Variants in AGPS observed in about 807,000 individuals in gnomAD.
The protein encoded by AGPS is alkylglycerone phosphate synthase, also known as alkyldihydroxyacetonephosphate synthase, peroxisomal.
A neutral mutation model predicts 90.7 loss-of-function variants in AGPS; 26 were observed. The ratio of observed to expected loss-of-function variants is 0.29; its 90% CI spans 0.21 to 0.40. The LOEUF is 0.40. AGPS is among the 10% of genes least tolerant of loss of function. The pLI is 1.00. For synonymous variants in AGPS, 294 were observed against 285.3 expected, an observed-to-expected ratio of 1.03 and a Z score of -0.31; for missense variants, 540 against 816.1, an observed-to-expected ratio of 0.66 and a Z score of 4.12.
intron 10 of AGPS, among the ~76,000 whole-genome samples, chr2:177,480,581 C>G (rs7607450): frequency 5.0e-4 from 76 of 151,794 alleles, no homozygotes; most frequent in African/African-American, 1.7e-3. Context: ...CCTGTTGTGG[C>G]GGGGGGAAGT....
chr2:177,484,015 T>G (rs1688023338), intron 11 of AGPS, among the ~76,000 whole-genome samples: 2 of 151,406 alleles, frequency 1.3e-5, no homozygotes, highest in South Asian at 2.1e-4. Context: ...AGGGTGTTTT[T>G]TTTTTTTTTT....
At chr2:177,527,033 C>T (rs1317953441) in intron 19 of AGPS, among the ~76,000 whole-genome samples, 1 of 152,166 alleles carries the variant, frequency 6.6e-6, no homozygotes, top group Admixed American at 6.5e-5. Flanking sequence ...CCTCAGTATC[C>T]TTGTCCTCTT....
chr2:177,444,627 GTATTTTGTATT>G (rs1210287159), intron 7 of AGPS, among the ~76,000 whole-genome samples: 4 of 3,654 alleles, frequency 1.1e-3, no homozygotes, highest in African/African-American at 2.4e-3. Flanking sequence ...TTTTTGTATT[GTATTTTGTATT>G]GTCTGTTGTG....
chr2:177,459,830 A>T (rs1348580961), intron 8 of AGPS, among the ~76,000 whole-genome samples: 2 of 152,232 alleles, frequency 1.3e-5, no homozygotes, highest in African/African-American at 2.4e-5. Flanking sequence ...TACCCAAAGG[A>T]TTATAAATCA....
chr2:177,459,241 C>T (rs1200297246), intron 8 of AGPS, among the ~76,000 whole-genome samples: 1 of 152,150 alleles, frequency 6.6e-6, no homozygotes, highest in East Asian at 1.9e-4. Flanking sequence ...TGGACAATGC[C>T]ATTTAGGACA....
intron 10 of AGPS, among the ~76,000 whole-genome samples, chr2:177,474,607 T>C (rs1236597810): frequency 6.6e-6 from 1 of 152,204 alleles, no homozygotes; most frequent in Non-Finnish European, 1.5e-5. Context: ...TGTAAACACT[T>C]GTGGAGCGGG....
At chr2:177,406,391 A>G (rs1270760313) in intron 1 of AGPS, among the ~76,000 whole-genome samples, 2 of 152,252 alleles carry the variant, frequency 1.3e-5, no homozygotes, top group African/African-American at 2.4e-5. Flanking sequence ...AGCTGTAGTC[A>G]TTGTATGCAG....
chr2:177,533,803 A>G (rs1342907357), intron 19 of AGPS, among the ~76,000 whole-genome samples: 1 of 152,220 alleles, frequency 6.6e-6, no homozygotes, highest in Non-Finnish European at 1.5e-5. Context: ...ATACAAAGTC[A>G]ATGCTCAGAT....
chr2:177,476,787 C>G (rs1268529787), intron 10 of AGPS, among the ~76,000 whole-genome samples: 2 of 152,056 alleles, frequency 1.3e-5, no homozygotes, highest in Admixed American at 6.6e-5. Flanking sequence ...GTTGAATTAT[C>G]TATTTCTCCC....
At chr2:177,466,776 G>A (rs998520690) in intron 9 of AGPS, among the ~76,000 whole-genome samples, 6 of 152,206 alleles carry the variant, frequency 3.9e-5, no homozygotes, top group Admixed American at 2.0e-4. Context: ...GAAGCCAGGC[G>A]GTGGAAGCAG....
rs564293735 is a variant in AGPS, at chr2:177,431,485, C to G, written c.351-2842C>G. Among the ~76,000 whole-genome samples, 4 of 152,190 alleles carry G rather than the reference C, an allele frequency of 2.6e-5. No homozygotes were observed. The South Asian group carries it at 8.3e-4, about 32-fold the overall frequency. On this transcript the variant is annotated intron_variant, in intron 2 of 19. Coordinates refer to ENST00000264167, the MANE Select transcript of AGPS (RefSeq NM_003659.4). ...AAATTTACCAGAGCGGGATCTTTTC[C>G]CCACCCTAATAAGCCAGAGGGTAAT...
chr2:177,523,633 C>T, intron 18 of AGPS, 115 bp from the exon 19 acceptor site: 1 of 853,448 alleles, frequency 1.2e-6, no homozygotes, highest in Non-Finnish European at 2.0e-6. Context: ...AGTTAGGCTT[C>T]TAGTTTATTA....
chr2:177,475,027 A>G lies in AGPS; in HGVS notation c.1105+6503A>G, dbSNP rs946574290. Among the ~76,000 whole-genome samples, 4 of 152,166 alleles carry G rather than the reference A, an allele frequency of 2.6e-5. No individual in the cohort carries two copies. The South Asian group carries it at 6.2e-4, about 24-fold the overall frequency. ...TTCTTTAATGAATTTCAATCTTGTG[A>G]GTTTTGAGTTTGATCAAGTGGTTAT... On this transcript the variant is annotated intron_variant, in intron 10 of 19. Transcript: ENST00000264167.
chr2:177,461,547 A>G (rs1468263188), intron 8 of AGPS, among the ~76,000 whole-genome samples: 3 of 152,214 alleles, frequency 2.0e-5, no homozygotes, highest in Non-Finnish European at 4.4e-5. Flanking sequence ...TCTGATCTCC[A>G]TAAATATTTA....
rs552711473 is a variant in AGPS, at chr2:177,470,845, A to T, written c.1105+2321A>T. On this transcript the variant is annotated intron_variant, in intron 10 of 19. Transcript: ENST00000264167. The stretch of plus-strand genomic sequence containing the variant: ...AAAGAGCATGAACCATGAAGTCTTT[A>T]TCAGATCTGGATTTCCATCCTGATT... Among the ~76,000 whole-genome samples, 3 of 152,304 alleles carry T rather than the reference A, an allele frequency of 2.0e-5. No individual in the cohort carries two copies. In the South Asian group the frequency reaches 6.2e-4, roughly 32 times the overall value.
intron 1 of AGPS, among the ~76,000 whole-genome samples, chr2:177,412,294 T>TG (rs1685643501): frequency 6.6e-6 from 1 of 152,088 alleles, no homozygotes; most frequent in Admixed American, 6.5e-5. Flanking sequence ...GGTGCACGCA[T>TG]GGGTGACTGT....
chr2:177,522,719 G>T (rs1016319577), intron 18 of AGPS, among the ~76,000 whole-genome samples: 13 of 152,310 alleles, frequency 8.5e-5, no homozygotes, highest in African/African-American at 2.9e-4. Context: ...CTCCCAAAGT[G>T]CTGGGATTAC....
At chr2:177,507,805 A>T (rs1688757156) in intron 15 of AGPS, among the ~76,000 whole-genome samples, 165 bp from the exon 16 acceptor site, 1 of 152,154 alleles carries the variant, frequency 6.6e-6, no homozygotes, top group Admixed American at 6.5e-5. Flanking sequence ...GCTGCATCTC[A>T]CTCCAGGGAC....
intron 10 of AGPS, among the ~76,000 whole-genome samples, chr2:177,471,915 TTAG>T (rs1315830767): frequency 6.6e-6 from 1 of 152,158 alleles, no homozygotes; most frequent in African/African-American, 2.4e-5. Flanking sequence ...TTTAATTTTC[TTAG>T]TAGGCTAATT....
Sources: allele counts gnomAD v4.1 joint callset (sites outside exome capture counted in the v4.1 genomes callset), GRCh38; gene constraint gnomAD v4.1.1; transcripts MANE v1.5; gene names NCBI Gene and HGNC (gene_info 2026-07-23, HGNC 2026-07-21).